NAALADL2: variants seen among roughly 807,000 people sequenced by gnomAD.
NAALADL2 encodes the protein inactive N-acetylated-alpha-linked acidic dipeptidase-like protein 2.
NAALADL2 carries 76 observed loss-of-function variants against 87.2 expected under a neutral mutation model. The ratio of observed to expected loss-of-function variants is 0.87; its 90% CI spans 0.72 to 1.05. The LOEUF (loss-of-function observed/expected upper bound fraction) is 1.05. NAALADL2 is among the 50% of genes least tolerant of loss of function. NAALADL2 has a pLI of 0.00. For missense variants in NAALADL2, 1,089 were observed against 945.8 expected, an observed-to-expected ratio of 1.15 and a Z score of -1.99; for synonymous variants, 354 against 331.0, an observed-to-expected ratio of 1.07 and a Z score of -0.75.
intron 2 of NAALADL2, among the ~76,000 whole-genome samples, chr3:174,627,086 A>G (rs1721646060): frequency 6.6e-6 from 1 of 152,136 alleles, no homozygotes. Flanking sequence ...TTAGGGATCT[A>G]AAAGTTAAGT....
At chr3:175,195,239 G>C (rs191520459) in intron 2 of NAALADL2, among the ~76,000 whole-genome samples, 62 of 151,866 alleles carry the variant, frequency 4.1e-4, no homozygotes, top group Non-Finnish European at 5.6e-4. Flanking sequence ...TGTGTGCCAG[G>C]TATTGCTCGG....
intron 2 of NAALADL2, among the ~76,000 whole-genome samples, chr3:175,107,322 T>C (rs1196795961): frequency 6.6e-6 from 1 of 151,990 alleles, no homozygotes; most frequent in Non-Finnish European, 1.5e-5. Context: ...AGGGAAAGAC[T>C]GTCCTTCCCA....
chr3:175,314,686 A>ATG (rs1758857254), intron 4 of NAALADL2, among the ~76,000 whole-genome samples: 3 of 31,438 alleles, frequency 9.5e-5, no homozygotes, highest in Non-Finnish European at 1.6e-4. Context: ...ATATATATAT[A>ATG]TATATATATA....
In NAALADL2 at chr3:174,456,805, A is replaced by T. The variant is rs143398354; in HGVS notation, c.-184+15773A>T. 1.7e-3 allele frequency among the ~76,000 whole-genome samples: 258 copies of T among 152,292 alleles called. 1 individual carries two copies. The highest frequency in any genetic ancestry group is 6.1e-3 in the African/African-American group (252 of 41,566). On this transcript the variant is annotated intron_variant, in intron 1 of 3. Transcript: ENST00000434257. ...AGGCAATACCATTCTGGACACAGGA[A>T]TGGGCAAAGATTTCAAGATGAAGAC...
At chr3:175,519,800 T>C (rs1431274077) in intron 9 of NAALADL2, among the ~76,000 whole-genome samples, 2 of 152,208 alleles carry the variant, frequency 1.3e-5, no homozygotes, top group African/African-American at 4.8e-5. Context: ...AATACAATGC[T>C]TCTGGTTACT....
chr3:175,133,399 G>T (rs867841634), intron 2 of NAALADL2, among the ~76,000 whole-genome samples: 1 of 151,246 alleles, frequency 6.6e-6, no homozygotes, highest in South Asian at 2.1e-4. Context: ...GTAGCGAGCC[G>T]ATATCACGCC....
intron 10 of NAALADL2, among the ~76,000 whole-genome samples, chr3:175,622,314 C>T (rs1385679316): frequency 1.1e-4 from 17 of 151,952 alleles, no homozygotes; most frequent in Admixed American, 1.1e-3. Context: ...AATTCTGTGC[C>T]TCTATTCATT....
intron 2 of NAALADL2, among the ~76,000 whole-genome samples, chr3:174,638,308 G>T (rs1722846536): frequency 6.6e-6 from 1 of 152,114 alleles, no homozygotes; most frequent in Non-Finnish European, 1.5e-5. Flanking sequence ...ACCAAGAAAT[G>T]TTTTTGTGTT....
intron 10 of NAALADL2, among the ~76,000 whole-genome samples, chr3:175,606,577 C>T (rs1723774457): frequency 1.3e-5 from 2 of 152,068 alleles, no homozygotes; most frequent in South Asian, 2.1e-4. Context: ...ACAGCTGAAA[C>T]CACTAGCTAT....
chr3:175,233,363 G>T (rs1378556112), intron 2 of NAALADL2, among the ~76,000 whole-genome samples: 1 of 152,140 alleles, frequency 6.6e-6, no homozygotes, highest in Non-Finnish European at 1.5e-5. Context: ...ACTAATAGAA[G>T]ATTTAGTTAG....
At chr3:174,750,394 A>T (rs1734703376) in intron 3 of NAALADL2, among the ~76,000 whole-genome samples, 1 of 151,492 alleles carries the variant, frequency 6.6e-6, no homozygotes, top group South Asian at 2.1e-4. Flanking sequence ...AGGATATTTC[A>T]TTTCCATTCT....
intron 4 of NAALADL2, among the ~76,000 whole-genome samples, chr3:175,305,575 T>A (rs562586236): frequency 3.9e-5 from 6 of 152,056 alleles, no homozygotes; most frequent in Non-Finnish European, 8.8e-5. Context: ...CAGGCTGGAG[T>A]GCAATGGCAC....
intron 10 of NAALADL2, chr3:175,609,335 T>C (rs765151597): frequency 2.6e-5 from 4 of 152,198 alleles, no homozygotes; most frequent in Non-Finnish European, 5.9e-5. Context: ...AATGGCTTTA[T>C]TAAAGGAAGC....
At chr3:174,548,288 T>C (rs1711623222) in intron 1 of NAALADL2, among the ~76,000 whole-genome samples, 1 of 152,156 alleles carries the variant, frequency 6.6e-6, no homozygotes, top group African/African-American at 2.4e-5. Context: ...ACACACCATA[T>C]GGAATTTCTG....
At chr3:175,711,792 T>C (rs1412305023) in intron 11 of NAALADL2, among the ~76,000 whole-genome samples, 1 of 151,796 alleles carries the variant, frequency 6.6e-6, no homozygotes, top group Non-Finnish European at 1.5e-5. Flanking sequence ...CAGGATGACA[T>C]GTTATATACT....
At chr3:174,729,624 A>C (rs79351076) in intron 2 of NAALADL2, among the ~76,000 whole-genome samples, 2 of 152,074 alleles carry the variant, frequency 1.3e-5, no homozygotes, top group East Asian at 3.9e-4. Flanking sequence ...TATGATCCTA[A>C]CTATGCAAAT....
Position 175,498,289 on chromosome 3 carries a change from T to C in NAALADL2, c.1653+26531T>C, listed in dbSNP as rs1220096301. The stretch of plus-strand genomic sequence containing the variant: ...AGAGTAGAATGTTAATTAAAAGGAA[T>C]AATATCAGAGAAAATACCAATTTGT... On this transcript the variant is annotated intron_variant, in intron 9 of 13. Coordinates refer to ENST00000454872, the MANE Select transcript of NAALADL2 (RefSeq NM_207015.3). Among the ~76,000 whole-genome samples the C allele has an allele frequency of 2.0e-5, 3 of 152,058 alleles. No individual in the cohort carries two copies. The East Asian group carries it at 5.8e-4, about 29-fold the overall frequency.
At chr3:175,270,333 A>ATTC (rs1752630112) in intron 4 of NAALADL2, among the ~76,000 whole-genome samples, 1 of 152,194 alleles carries the variant, frequency 6.6e-6, no homozygotes, top group Admixed American at 6.5e-5. Context: ...ATCACTTGAT[A>ATTC]TTCTCCCTGC....
intron 5 of NAALADL2, among the ~76,000 whole-genome samples, chr3:175,357,807 C>G (rs1764561773): frequency 6.6e-6 from 1 of 152,000 alleles, no homozygotes; most frequent in African/African-American, 2.4e-5. Context: ...TACTTTATAC[C>G]TTAAGTATTA....
Sources: allele counts gnomAD v4.1 joint callset (sites outside exome capture counted in the v4.1 genomes callset), GRCh38; gene constraint gnomAD v4.1.1; transcripts MANE v1.5; gene names NCBI Gene and HGNC (gene_info 2026-07-23, HGNC 2026-07-21).